Variants in VTI1A observed in about 807,000 individuals in gnomAD.
The protein encoded by VTI1A is vesicle transport through interaction with t-SNAREs homolog 1A.
Under a neutral mutation model 34.9 loss-of-function variants are expected in VTI1A, and 22 were observed. That is an observed-to-expected ratio of 0.63 (90% CI 0.45 to 0.90). The LOEUF (loss-of-function observed/expected upper bound fraction) is 0.90, where lower values mean the gene tolerates loss of function less well. VTI1A is among the 40% of genes least tolerant of loss of function. The pLI is 0.00. For missense variants in VTI1A, 268 were observed against 275.6 expected (o/e 0.97, Z 0.20); for synonymous variants, 87 against 97.3 (o/e 0.89, Z 0.62).
At chr10:112,628,338 C>G (rs891786480) in intron 5 of VTI1A, among the ~76,000 whole-genome samples, 2 of 152,140 alleles carry the variant, frequency 1.3e-5, no homozygotes, top group African/African-American at 2.4e-5. Context: ...TATTATTGTT[C>G]TGTTGCAAAA....
chr10:112,707,579 G>A (rs903934220), intron 7 of VTI1A, among the ~76,000 whole-genome samples: 6 of 152,070 alleles, frequency 3.9e-5, no homozygotes, highest in African/African-American at 7.2e-5. Context: ...TGGTCTGCCC[G>A]CCTCTGCCTC....
chr10:112,786,947 A>T (rs896985147), intron 7 of VTI1A, among the ~76,000 whole-genome samples: 1 of 152,172 alleles, frequency 6.6e-6, no homozygotes, highest in African/African-American at 2.4e-5. Context: ...TAGTCTCTCC[A>T]TTATTTTCTA....
At position 112,815,518 on chromosome 10, in the gene VTI1A, A is replaced by T; in HGVS notation, c.*135A>T. The T allele has an allele frequency of 1.5e-6, 1 of 683,194 alleles. No individual in the cohort carries two copies. Among genetic ancestry groups the T allele is most frequent in the South Asian group, 1.8e-5 (1 of 54,508 alleles). 42.3% of individuals were successfully genotyped at this position (683,194 alleles called of 1,614,324 possible). Reference sequence around the variant, plus strand: ...CTCTCCCTCACCGCCGTTGGGCTGAAGTGCAAAGAGTGTAAAAATATTTTC... The same window carrying T: ...CTCTCCCTCACCGCCGTTGGGCTGATGTGCAAAGAGTGTAAAAATATTTTC... On this transcript the variant is annotated 3_prime_UTR_variant, in exon 8 of 8. Transcript: ENST00000393077.
chr10:112,848,622 C>A, the VTI1A span, among the ~76,000 whole-genome samples: 1 of 152,272 alleles, frequency 6.6e-6, no homozygotes, highest in South Asian at 2.1e-4. Flanking sequence ...GGTCTCCTGG[C>A]CTATTACCTT....
intron 7 of VTI1A, among the ~76,000 whole-genome samples, chr10:112,710,630 T>C (rs146519445): frequency 3.0e-4 from 45 of 152,328 alleles, no homozygotes; most frequent in African/African-American, 1.0e-3. Context: ...TTTTAAGCAA[T>C]GTCCAAAGAG....
chr10:112,520,655 A>G lies in VTI1A; in HGVS notation c.265-6432A>G, dbSNP rs1448889555. On this transcript the variant is annotated intron_variant, in intron 3 of 7. Transcript: ENST00000393077. ...TGTGTGTGTGTGTGTGTGTATATAT[A>G]TATATATATATATATATAAAACCTC... Among the ~76,000 whole-genome samples the G allele has an allele frequency of 3.7e-3, 546 of 147,408 alleles. 4 individuals are homozygous for G. The highest frequency in any genetic ancestry group is 0.012 in the South Asian group (58 of 4,680).
chr10:112,811,303 A>G (rs888231812), intron 7 of VTI1A, among the ~76,000 whole-genome samples: 2 of 152,202 alleles, frequency 1.3e-5, no homozygotes, highest in Non-Finnish European at 2.9e-5. Flanking sequence ...CTAGAGAGAC[A>G]AACACTGGAA....
chr10:112,498,090 A>G (rs1023740804), intron 3 of VTI1A, among the ~76,000 whole-genome samples: 1 of 152,150 alleles, frequency 6.6e-6, no homozygotes. Flanking sequence ...ACCTTTCTCC[A>G]CTGGATTATG....
At chr10:112,802,120 G>C (rs761860748) in intron 7 of VTI1A, among the ~76,000 whole-genome samples, 1 of 152,172 alleles carries the variant, frequency 6.6e-6, no homozygotes, top group Non-Finnish European at 1.5e-5. Flanking sequence ...ATAGTGGCAT[G>C]CACCTGTGGT....
intron 5 of VTI1A, among the ~76,000 whole-genome samples, chr10:112,639,204 CA>C (rs2134658697): frequency 6.6e-6 from 1 of 152,216 alleles, no homozygotes; most frequent in East Asian, 1.9e-4. Context: ...GAGGATTTTA[CA>C]AACATTTCAA....
intron 3 of VTI1A, 110 bp downstream of exon 3, chr10:112,464,767 G>A (rs1231623592): frequency 2.3e-6 from 2 of 882,780 alleles, no homozygotes; most frequent in Non-Finnish European, 3.5e-6. Flanking sequence ...TAGAAGACAA[G>A]TAACAGCTTT....
intron 5 of VTI1A, among the ~76,000 whole-genome samples, chr10:112,623,055 G>C (rs1845789213): frequency 6.6e-6 from 1 of 152,122 alleles, no homozygotes; most frequent in Non-Finnish European, 1.5e-5. Flanking sequence ...ACCTGAAAAG[G>C]CTCGGATTTT....
intron 5 of VTI1A, among the ~76,000 whole-genome samples, chr10:112,565,432 GACTT>G (rs2134344827): frequency 6.6e-6 from 1 of 152,174 alleles, no homozygotes; most frequent in East Asian, 1.9e-4. Context: ...AATTTTAAAA[GACTT>G]ATTTATACAT....
chr10:112,765,677 G>T (rs1419777331), intron 7 of VTI1A, among the ~76,000 whole-genome samples: 1 of 152,130 alleles, frequency 6.6e-6, no homozygotes, highest in African/African-American at 2.4e-5. Flanking sequence ...TCAAATAATC[G>T]CACAAATTTG....
At chr10:112,749,259 T>G (rs2133989211) in intron 7 of VTI1A, among the ~76,000 whole-genome samples, 1 of 152,346 alleles carries the variant, frequency 6.6e-6, no homozygotes, top group South Asian at 2.1e-4. Context: ...ATTTGGCATA[T>G]GGGGCAGAAG....
intron 5 of VTI1A, among the ~76,000 whole-genome samples, chr10:112,619,661 C>T (rs1286570989): frequency 6.6e-6 from 1 of 152,212 alleles, no homozygotes; most frequent in Non-Finnish European, 1.5e-5. Flanking sequence ...TGCACACAAT[C>T]GTCATTCTCC....
At chr10:112,534,563 G>C (rs958012486) in intron 4 of VTI1A, among the ~76,000 whole-genome samples, 1 of 151,974 alleles carries the variant, frequency 6.6e-6, no homozygotes, top group Non-Finnish European at 1.5e-5. Context: ...TCTAGATAGT[G>C]TTTTTCAACA....
chr10:112,552,778 T>A (rs736597), intron 5 of VTI1A, among the ~76,000 whole-genome samples: 6,550 of 152,306 alleles, frequency 0.043, 378 homozygotes, highest in East Asian at 0.27. Flanking sequence ...TACTTGGGCT[T>A]CCTGTAGAAT....
At chr10:112,717,146 G>C (rs1849638868) in intron 7 of VTI1A, among the ~76,000 whole-genome samples, 1 of 152,246 alleles carries the variant, frequency 6.6e-6, no homozygotes, top group Non-Finnish European at 1.5e-5. Flanking sequence ...TGGAAGCTCT[G>C]AGTCATGACT....
Sources: gnomAD v4.1 joint callset for allele counts (sites outside exome capture counted in the v4.1 genomes callset) on GRCh38, gnomAD v4.1.1 for gene constraint, MANE v1.5 for transcripts, NCBI Gene and HGNC (gene_info 2026-07-23, HGNC 2026-07-21) for gene names.